PEBP4: variants seen among roughly 807,000 people sequenced by gnomAD.
PEBP4 encodes the protein phosphatidylethanolamine binding protein 4, also known as phosphatidylethanolamine-binding protein 4.
A neutral mutation model predicts 23.9 loss-of-function variants in PEBP4; 22 were observed. The observed-to-expected ratio is 0.92, with a 90% CI of 0.66 to 1.31. The LOEUF (loss-of-function observed/expected upper bound fraction) is 1.31, where lower values mean the gene tolerates loss of function less well. PEBP4 is among the 40% of genes most tolerant of loss of function. The pLI is 0.00. For missense variants in PEBP4, 324 were observed against 281.7 expected (o/e 1.15, Z -1.07); for synonymous variants, 112 against 99.3 (o/e 1.13, Z -0.76).
chr8:22,907,639 G>C (rs960135936), intron 3 of PEBP4, among the ~76,000 whole-genome samples: 2 of 152,222 alleles, frequency 1.3e-5, no homozygotes, highest in African/African-American at 4.8e-5. Flanking sequence ...GCTCACACCA[G>C]GTCTGGGAAG....
At chr8:22,814,429 T>C (rs1430689923) in intron 4 of PEBP4, among the ~76,000 whole-genome samples, 2 of 152,254 alleles carry the variant, frequency 1.3e-5, no homozygotes, top group African/African-American at 4.8e-5. Flanking sequence ...CAGAGCTTTA[T>C]CCTACTCCGT....
chr8:22,920,751 G>A (rs937815621), intron 2 of PEBP4, among the ~76,000 whole-genome samples: 3 of 152,222 alleles, frequency 2.0e-5, no homozygotes, highest in Admixed American at 2.0e-4. Flanking sequence ...AGCTTAGCAA[G>A]TCAGCACAGC....
At chr8:22,871,695 C>G (rs187799893) in intron 3 of PEBP4, among the ~76,000 whole-genome samples, 10 of 151,996 alleles carry the variant, frequency 6.6e-5, no homozygotes, top group African/African-American at 7.2e-5. Flanking sequence ...GCTGGGATTA[C>G]AGGCACGTGC....
intron 4 of PEBP4, among the ~76,000 whole-genome samples, chr8:22,737,092 G>A (rs541182464): frequency 2.0e-5 from 3 of 152,120 alleles, no homozygotes; most frequent in African/African-American, 4.8e-5. Flanking sequence ...TCAGGAGTTC[G>A]AGACCAGCCT....
chr8:22,796,976 C>T (rs961328143), intron 4 of PEBP4, among the ~76,000 whole-genome samples: 2 of 151,364 alleles, frequency 1.3e-5, no homozygotes, highest in African/African-American at 4.9e-5. Context: ...AACAAATTGG[C>T]TGGGCACGGT....
At chr8:22,716,489 G>A (rs1804422650) in intron 6 of PEBP4, among the ~76,000 whole-genome samples, 1 of 152,242 alleles carries the variant, frequency 6.6e-6, no homozygotes. Flanking sequence ...CCTGTCTTCA[G>A]CAGCTGGGGA....
intron 4 of PEBP4, among the ~76,000 whole-genome samples, chr8:22,793,236 T>C (rs1413397121): frequency 2.0e-5 from 3 of 152,288 alleles, no homozygotes; most frequent in African/African-American, 7.2e-5. Flanking sequence ...TATCCTTATA[T>C]ATTCACCTTC....
chr8:22,731,517 C>A (rs7821758), intron 4 of PEBP4, among the ~76,000 whole-genome samples: 44,414 of 152,048 alleles, frequency 0.29, 7,756 homozygotes, highest in African/African-American at 0.47. Context: ...ATTGGCTTCC[C>A]GTCAACAGTA....
chr8:22,898,128 A>G (rs1585331230), intron 3 of PEBP4, among the ~76,000 whole-genome samples: 1 of 151,958 alleles, frequency 6.6e-6, no homozygotes, highest in East Asian at 1.9e-4. Context: ...GCAGTGGCTC[A>G]CGCCTGTAAT....
At chr8:22,760,273 G>A (rs1306991642) in intron 4 of PEBP4, among the ~76,000 whole-genome samples, 1 of 152,128 alleles carries the variant, frequency 6.6e-6, no homozygotes, top group Non-Finnish European at 1.5e-5. Context: ...AGACTGGGAA[G>A]TGAACACAGG....
chr8:22,764,843 A>C (rs1227098987), intron 4 of PEBP4, among the ~76,000 whole-genome samples: 2 of 152,024 alleles, frequency 1.3e-5, no homozygotes, highest in African/African-American at 4.8e-5. Flanking sequence ...GATTTGACAG[A>C]GGCCTCTCAC....
chr8:22,894,820 A>G (rs1808560145), intron 3 of PEBP4, among the ~76,000 whole-genome samples: 2 of 152,164 alleles, frequency 1.3e-5, no homozygotes, highest in Non-Finnish European at 2.9e-5. Flanking sequence ...AACCCTGTGA[A>G]TGGGGATGCT....
chr8:22,787,965 C>T lies in PEBP4; in HGVS notation c.357+29672G>A, dbSNP rs907272170. On this transcript the variant is annotated intron_variant, in intron 4 of 6. Coordinates refer to ENST00000256404, the MANE Select transcript of PEBP4 (RefSeq NM_144962.3). ...TCGTTGATAACGCGTTGTGGATGGG[C>T]CTACAGAGCGTGCAGGGGGAGGCGT... Among the ~76,000 whole-genome samples the T allele has an allele frequency of 7.2e-5, 11 of 152,142 alleles. No individual in the cohort carries two copies. The East Asian group carries it at 1.7e-3, about 24-fold the overall frequency.
At chr8:22,827,208 A>G (rs1310850391) in intron 3 of PEBP4, among the ~76,000 whole-genome samples, 1 of 152,236 alleles carries the variant, frequency 6.6e-6, no homozygotes, top group East Asian at 1.9e-4. Context: ...ATTTGTCCAG[A>G]TAAAGTTTTA....
In PEBP4 at chr8:22,766,381, C is replaced by T. The variant is rs1805615875; in HGVS notation, c.358-39161G>A. Among the ~76,000 whole-genome samples the T allele has an allele frequency of 1.3e-5, 2 of 152,238 alleles. 1 individual carries two copies. Among genetic ancestry groups the T allele is most frequent in the Admixed American group, 1.3e-4 (2 of 15,288 alleles). On this transcript the variant is annotated intron_variant, in intron 4 of 6. Coordinates refer to ENST00000256404, the MANE Select transcript of PEBP4 (RefSeq NM_144962.3). ...TCTGACCTCACGGAGCTGGCAGCCC[C>T]TTGGCGATAACATAACCCTCTGTGC... is the stretch of plus-strand genomic sequence containing the variant.
intron 4 of PEBP4, among the ~76,000 whole-genome samples, chr8:22,743,422 G>A (rs1023756152): frequency 2.0e-5 from 3 of 152,174 alleles, no homozygotes; most frequent in African/African-American, 4.8e-5. Flanking sequence ...GGCTAATGAC[G>A]GCCCTCGGCC....
At chr8:22,917,270 A>T (rs1809097605) in intron 3 of PEBP4, among the ~76,000 whole-genome samples, 2 of 152,106 alleles carry the variant, frequency 1.3e-5, no homozygotes, top group African/African-American at 4.8e-5. Flanking sequence ...AAATACCTTC[A>T]TGCTCTTCTC....
rs867390764 is a variant in PEBP4, at chr8:22,934,026, G to A, written c.145-6306C>T. On this transcript the variant is annotated intron_variant, in intron 1 of 1. Coordinates refer to the PEBP4 transcript ENST00000522278. ...GAAATAGAAAGCAGGAATGAGAAAT[G>A]GGAGGTGCCAGGCTCTTTTTAACAA... 2.4e-4 allele frequency among the ~76,000 whole-genome samples: 37 copies of A among 152,246 alleles called. No individual in the cohort carries two copies. The Middle Eastern group carries it at 0.01, about 42-fold the overall frequency.
At chr8:22,932,802 C>A (rs7822394), upstream of PEBP4, among the ~76,000 whole-genome samples, 91 of 152,060 alleles carry the variant, frequency 6.0e-4, no homozygotes, top group African/African-American at 2.0e-3. Flanking sequence ...GTCAGGAGTT[C>A]AAGACCAGCC....
Sources: allele counts gnomAD v4.1 joint callset (sites outside exome capture counted in the v4.1 genomes callset), GRCh38; gene constraint gnomAD v4.1.1; transcripts MANE v1.5; gene names NCBI Gene and HGNC (gene_info 2026-07-23, HGNC 2026-07-21).